RASAL2: variants seen among roughly 807,000 people sequenced by gnomAD.
RASAL2 encodes RAS protein activator like 2, also known as ras GTPase-activating protein nGAP.
A neutral mutation model predicts 128.9 loss-of-function variants in RASAL2; 58 were observed. The observed-to-expected ratio is 0.45, with a 90% CI of 0.36 to 0.56. RASAL2 has a LOEUF of 0.56. Among genes scored for constraint, RASAL2 ranks in the 20% least tolerant of loss-of-function variants. RASAL2 has a pLI of 0.00. For synonymous variants in RASAL2, 561 were observed against 580.8 expected, an observed-to-expected ratio of 0.97 and a Z score of 0.49; for missense variants, 1,360 against 1,601.6, an observed-to-expected ratio of 0.85 and a Z score of 2.57.
chr1:178,286,610 C>T (rs1464675342), intron 2 of RASAL2, among the ~76,000 whole-genome samples: 2 of 152,160 alleles, frequency 1.3e-5, no homozygotes, highest in Non-Finnish European at 2.9e-5. Context: ...TGTGGTTTCA[C>T]AATGTTGGCC....
At chr1:178,275,552 C>G (rs377359063) in intron 1 of RASAL2, among the ~76,000 whole-genome samples, 1 of 152,192 alleles carries the variant, frequency 6.6e-6, no homozygotes, top group Non-Finnish European at 1.5e-5. Context: ...AAAATGAGCT[C>G]TTCTATAGAG....
intron 1 of RASAL2, among the ~76,000 whole-genome samples, chr1:178,259,144 T>A (rs1665532082): frequency 7.7e-6 from 1 of 129,850 alleles, no homozygotes. Flanking sequence ...TTTTTTTTTT[T>A]TTTTGAGACG....
intron 3 of RASAL2, among the ~76,000 whole-genome samples, chr1:178,357,605 C>T (rs1428232917): frequency 6.6e-6 from 1 of 151,980 alleles, no homozygotes; most frequent in African/African-American, 2.4e-5. Context: ...TATCAAGTCC[C>T]TCTGTACTCT....
intron 1 of RASAL2, among the ~76,000 whole-genome samples, chr1:178,214,123 A>G (rs1041446793): frequency 3.3e-5 from 5 of 151,926 alleles, no homozygotes; most frequent in South Asian, 2.1e-4. Flanking sequence ...AACAAAAACT[A>G]ACTGGGCGTG....
At chr1:178,342,595 A>C (rs1669942848) in intron 3 of RASAL2, among the ~76,000 whole-genome samples, 1 of 152,226 alleles carries the variant, frequency 6.6e-6, no homozygotes, top group Admixed American at 6.5e-5. Context: ...GCTTTCAGTG[A>C]AGGAAAATTA....
At chr1:178,156,682 C>G (rs890687550) in intron 1 of RASAL2, among the ~76,000 whole-genome samples, 1 of 152,136 alleles carries the variant, frequency 6.6e-6, no homozygotes, top group Admixed American at 6.5e-5. Flanking sequence ...AGACATTTAA[C>G]GTGACCTGTT....
intron 4 of RASAL2, among the ~76,000 whole-genome samples, chr1:178,410,206 A>G (rs1335797480): frequency 6.6e-6 from 1 of 151,952 alleles, no homozygotes; most frequent in African/African-American, 2.4e-5. Context: ...TATGAAAGAC[A>G]TGTGATTAGG....
intron 2 of RASAL2, among the ~76,000 whole-genome samples, chr1:178,289,733 A>G (rs530241597): frequency 1.3e-5 from 2 of 152,216 alleles, no homozygotes; most frequent in East Asian, 3.9e-4. Context: ...ATGACTTACC[A>G]TAGGTAAGTT....
chr1:178,343,983 T>C (rs900500324), intron 3 of RASAL2, among the ~76,000 whole-genome samples: 2 of 152,080 alleles, frequency 1.3e-5, no homozygotes, highest in African/African-American at 2.4e-5. Flanking sequence ...AGGAGACAAA[T>C]TTTAAATGGG....
intron 1 of RASAL2, among the ~76,000 whole-genome samples, chr1:178,107,060 A>C (rs867467022): frequency 2.0e-5 from 3 of 152,072 alleles, no homozygotes; most frequent in Admixed American, 6.5e-5. Flanking sequence ...TACAATCTTG[A>C]AAAACCTTGC....
chr1:178,430,788 G>A (rs1020026179), intron 5 of RASAL2, among the ~76,000 whole-genome samples: 9 of 151,952 alleles, frequency 5.9e-5, no homozygotes, highest in Admixed American at 6.6e-5. Flanking sequence ...ATGTGAATAT[G>A]TAGGGCTTTT....
intron 3 of RASAL2, among the ~76,000 whole-genome samples, chr1:178,382,055 A>G (rs1274956122): frequency 1.3e-5 from 2 of 152,200 alleles, no homozygotes; most frequent in African/African-American, 4.8e-5. Context: ...GCAAAACCTA[A>G]AATATTAATG....
At chr1:178,273,370 T>A (rs559670989) in intron 1 of RASAL2, among the ~76,000 whole-genome samples, 118 of 152,358 alleles carry the variant, frequency 7.7e-4, no homozygotes, top group Non-Finnish European at 1.5e-3. Flanking sequence ...TGTAATTTGT[T>A]TAATTTTATT....
chr1:178,188,733 A>C (rs964373194), intron 1 of RASAL2, among the ~76,000 whole-genome samples: 1 of 152,198 alleles, frequency 6.6e-6, no homozygotes, highest in Non-Finnish European at 1.5e-5. Flanking sequence ...ATCCTAATTC[A>C]ACATTTATTG....
rs144891263 is a variant in RASAL2, at chr1:178,283,434, T to G, written c.203-130T>G. On this transcript the variant is annotated intron_variant, in intron 1 of 17. Coordinates refer to ENST00000367649, the MANE Select transcript of RASAL2 (RefSeq NM_170692.4). ...TTTTCATTTTCTTAAGAGGAAGCTT[T>G]AAATTTACCATTGAGATTCGTGTTT... The G allele has an allele frequency of 2.5e-4, 292 of 1,188,278 alleles. 1 individual carries two copies. In the African/African-American group the frequency reaches 4.1e-3, roughly 16 times the overall value. 73.6% of individuals were successfully genotyped at this position (1,188,278 alleles called of 1,614,324 possible). A position where few individuals can be genotyped will look rare whatever the true frequency, so the allele number is the denominator to read the frequency against.
intron 1 of RASAL2, among the ~76,000 whole-genome samples, chr1:178,152,613 C>T (rs1019903184): frequency 8.6e-5 from 13 of 151,914 alleles, no homozygotes; most frequent in Admixed American, 3.3e-4. Flanking sequence ...TGCAGTGAGC[C>T]GAGATTGGGC....
chr1:178,132,912 G>A (rs1348536983), intron 1 of RASAL2, among the ~76,000 whole-genome samples: 1 of 151,920 alleles, frequency 6.6e-6, no homozygotes, highest in African/African-American at 2.4e-5. Flanking sequence ...GGGACCGCAG[G>A]TATGTGCCAC....
intron 2 of RASAL2, among the ~76,000 whole-genome samples, chr1:178,290,025 A>T (rs1557880066): frequency 6.6e-6 from 1 of 152,208 alleles, no homozygotes; most frequent in Non-Finnish European, 1.5e-5. Flanking sequence ...CCACATCTGT[A>T]TCCAGAACTT....
At chr1:178,165,120 A>G (rs570410954) in intron 1 of RASAL2, among the ~76,000 whole-genome samples, 1 of 152,106 alleles carries the variant, frequency 6.6e-6, no homozygotes, top group Admixed American at 6.6e-5. Context: ...CATGGATTTT[A>G]TTATCTGAGA....
Sources: allele counts gnomAD v4.1 joint callset (sites outside exome capture counted in the v4.1 genomes callset), GRCh38; gene constraint gnomAD v4.1.1; transcripts MANE v1.5; gene names NCBI Gene and HGNC (gene_info 2026-07-23, HGNC 2026-07-21).